The following ASB1 variants were observed in gnomAD, a reference collection of about 807,000 sequenced individuals.
ASB1 encodes the protein ankyrin repeat and SOCS box protein 1.
A neutral mutation model predicts 27.7 loss-of-function variants in ASB1; 18 were observed. That is an observed-to-expected ratio of 0.65 (90% CI 0.45 to 0.96). The LOEUF (loss-of-function observed/expected upper bound fraction) is 0.96. Among genes scored for constraint, ASB1 ranks in the 50% least tolerant of loss-of-function variants. The probability of loss-of-function intolerance (pLI) is 0.00; values close to 1 mark genes in which losing one functional copy is unlikely to be tolerated. For synonymous variants in ASB1, 189 were observed against 187.6 expected (o/e 1.01, Z -0.06); for missense variants, 397 against 451.7 (o/e 0.88, Z 1.10).
rs1019440654 is a variant in ASB1 at position 238,435,601 on chromosome 2, G to C, written c.192-110G>C. ...CAGAAGGCAGAGCCCAGGTGGAGGC[G>C]TTATTAACCAGAGGGGGACCGTGTC... On this transcript the variant is annotated intron_variant, in intron 2 of 4. Coordinates refer to ENST00000264607, the MANE Select transcript of ASB1 (RefSeq NM_001040445.3). 9.6e-5 allele frequency: 111 copies of C among 1,159,126 alleles called. No homozygotes were observed. The African/African-American group carries it at 1.4e-3, about 15-fold the overall frequency. 71.8% of individuals were successfully genotyped at this position (1,159,126 alleles called of 1,614,324 possible). A position where few individuals can be genotyped will look rare whatever the true frequency, so the allele number is the denominator to read the frequency against.
In ASB1 at chr2:238,437,873, T is replaced by A. The variant is rs192271849; in HGVS notation, c.494+1860T>A. Among the ~76,000 whole-genome samples the A allele has an allele frequency of 3.3e-4, 51 of 152,334 alleles. 1 individual carries two copies. The highest frequency in any genetic ancestry group is 1.2e-3 in the African/African-American group (49 of 41,582). ...ATATGTTTTTCCTGTTGAAGGGTTT[T>A]ATAAATTAAATAGCTACACAATTGG... is the stretch of plus-strand genomic sequence containing the variant. On this transcript the variant is annotated intron_variant, in intron 3 of 4. Coordinates refer to ENST00000264607, the MANE Select transcript of ASB1 (RefSeq NM_001040445.3).
intron 3 of ASB1, among the ~76,000 whole-genome samples, chr2:238,439,868 T>A (rs1559414678): frequency 6.6e-6 from 1 of 152,206 alleles, no homozygotes; most frequent in Non-Finnish European, 1.5e-5. Context: ...TCTCTGTAAG[T>A]AGTATTTTGA....
At chr2:238,427,151 C>T in intron 1 of ASB1, 32 bp downstream of exon 1, 2 of 1,231,216 alleles carry the variant, frequency 1.6e-6, no homozygotes, top group Non-Finnish European at 2.0e-6. Flanking sequence ...GGCCGCGGGG[C>T]GTGTGGGGAT....
At chr2:238,436,638 AC>A (rs1331934908) in intron 3 of ASB1, among the ~76,000 whole-genome samples, 1 of 152,166 alleles carries the variant, frequency 6.6e-6, no homozygotes, top group African/African-American at 2.4e-5. Flanking sequence ...AGCTGACACT[AC>A]AGGTGTGCAC....
At chr2:238,441,680 G>C (rs1213304459) in intron 3 of ASB1, among the ~76,000 whole-genome samples, 1 of 152,250 alleles carries the variant, frequency 6.6e-6, no homozygotes, top group African/African-American at 2.4e-5. Context: ...GAGCTGCACA[G>C]CGTGGCGTTG....
chr2:238,438,878 A>G (rs1702023533), intron 3 of ASB1, among the ~76,000 whole-genome samples: 2 of 152,244 alleles, frequency 1.3e-5, no homozygotes, highest in African/African-American at 4.8e-5. Context: ...CAAAAGTTAT[A>G]TTGATTTATT....
intron 4 of ASB1, among the ~76,000 whole-genome samples, chr2:238,446,028 G>T (rs573718726): frequency 1.7e-4 from 26 of 152,372 alleles, no homozygotes; most frequent in African/African-American, 5.8e-4. Flanking sequence ...GCTGACAGAG[G>T]CTGGGCGTCC....
At chr2:238,430,284 G>C (rs1020884830) in intron 1 of ASB1, among the ~76,000 whole-genome samples, 6 of 152,208 alleles carry the variant, frequency 3.9e-5, no homozygotes, top group African/African-American at 1.4e-4. Context: ...AATCAACTAA[G>C]TGTATGTGGC....
Position 238,442,802 on chromosome 2 carries a change from A to G in ASB1, c.495-1540A>G, listed in dbSNP as rs1023756130. On this transcript the variant is annotated intron_variant, in intron 3 of 4. Coordinates refer to ENST00000264607, the MANE Select transcript of ASB1 (RefSeq NM_001040445.3). Reference sequence around the variant, plus strand: ...CCAAAAAACACTTAGTAAAACATCTACACCCTCCCTTGTTTGAGATACTGC... The same window carrying G: ...CCAAAAAACACTTAGTAAAACATCTGCACCCTCCCTTGTTTGAGATACTGC... Among the ~76,000 whole-genome samples the G allele has an allele frequency of 1.1e-4, 16 of 152,198 alleles. 1 individual carries two copies. Among genetic ancestry groups the G allele is most frequent in the African/African-American group, 3.4e-4 (14 of 41,440 alleles).
Position 238,435,974 on chromosome 2 carries a change from C to G in ASB1, c.455C>G (p.Ser152Cys). The G allele has an allele frequency of 6.2e-7, 1 of 1,613,842 alleles. No homozygotes were observed. The change falls in exon 3 of 5, where the codon TCT (serine) becomes TGT (cysteine). Residue 152 changes from serine to cysteine, a missense_variant. Ser to Cys is a moderately radical substitution (Grantham distance 112). Transcript: ENST00000264607. ...CGCAGCACCCCTGTCTACCACGCCT[C>G]TCGCGTGGGCCGGGCAGACATCCTG... Reference protein sequence around the residue: ...HHRSTPVYHASRVGRADILKA... With the variant: ...HHRSTPVYHACRVGRADILKA...
rs146379163 is a variant in ASB1 at position 238,444,401 on chromosome 2, C to G, written c.554C>G (p.Ser185Cys). The change falls in exon 4 of 5, where the codon TCC becomes TGC. Residue 185 changes from serine to cysteine, a missense_variant. Coordinates refer to ENST00000264607, the MANE Select transcript of ASB1 (RefSeq NM_001040445.3). ...HLTPDVQPRF[S>C]RRLTSLVVCP... is the part of the protein sequence containing the mutation. The stretch of plus-strand genomic sequence containing the variant: ...ACTCCTGATGTCCAGCCTCGATTCT[C>G]CCGGCGGCTCACCTCCTTGGTGGTC... The G allele has an allele frequency of 1.5e-5, 25 of 1,613,654 alleles. No homozygotes were observed. The African/African-American group carries it at 2.4e-4, about 15-fold the overall frequency.
chr2:238,437,315 T>G (rs1701991246), intron 3 of ASB1, among the ~76,000 whole-genome samples: 1 of 152,146 alleles, frequency 6.6e-6, no homozygotes, highest in Non-Finnish European at 1.5e-5. Flanking sequence ...CACTGCAACC[T>G]CCGCCTCCTG....
intron 1 of ASB1, among the ~76,000 whole-genome samples, chr2:238,428,354 G>C (rs1016744018): frequency 6.6e-6 from 1 of 152,180 alleles, no homozygotes; most frequent in Admixed American, 6.5e-5. Flanking sequence ...GCAGTGGCGT[G>C]ATCTCGGCCC....
chr2:238,433,896 G>C (rs1179142436), intron 2 of ASB1, among the ~76,000 whole-genome samples: 1 of 152,214 alleles, frequency 6.6e-6, no homozygotes, highest in African/African-American at 2.4e-5. Flanking sequence ...AGGGAGACCT[G>C]AGTTCAGGTC....
chr2:238,428,426 G>GATTACAGGTGCTGGC (rs1182409395), intron 1 of ASB1, among the ~76,000 whole-genome samples: 1 of 152,184 alleles, frequency 6.6e-6, no homozygotes, highest in Non-Finnish European at 1.5e-5. Context: ...TAGTAGCTGG[G>GATTACAGGTGCTGGC]ATTACAGGTG....
At chr2:238,437,466 G>A (rs879629267) in intron 3 of ASB1, among the ~76,000 whole-genome samples, 29 of 152,100 alleles carry the variant, frequency 1.9e-4, no homozygotes, top group Non-Finnish European at 3.4e-4. Flanking sequence ...TTCTGACCTC[G>A]TGATCCGCCC....
intron 3 of ASB1, among the ~76,000 whole-genome samples, chr2:238,438,855 A>T (rs563912357): frequency 1.3e-5 from 2 of 152,184 alleles, no homozygotes; most frequent in Non-Finnish European, 2.9e-5. Context: ...ACAGAGTGGT[A>T]TTTCTGTATG....
At chr2:238,429,322 T>G (rs1181730152) in intron 1 of ASB1, among the ~76,000 whole-genome samples, 2 of 152,222 alleles carry the variant, frequency 1.3e-5, no homozygotes, top group African/African-American at 4.8e-5. Context: ...TGCTCTTTAC[T>G]TACACACGAA....
intron 1 of ASB1, chr2:238,427,463 C>G (rs73090982): frequency 5.0e-4 from 116 of 229,968 alleles, no homozygotes; most frequent in African/African-American, 2.3e-3. Flanking sequence ...TCTGAGCGCA[C>G]GGATCAGGAA....
Sources: gnomAD v4.1 joint callset for allele counts (sites outside exome capture counted in the v4.1 genomes callset) on GRCh38, gnomAD v4.1.1 for gene constraint, MANE v1.5 for transcripts, NCBI Gene and HGNC (gene_info 2026-07-23, HGNC 2026-07-21) for gene names.